The following TNRC6A variants were observed in gnomAD, a reference collection of about 807,000 sequenced individuals.
TNRC6A encodes trinucleotide repeat containing adaptor 6A, also known as trinucleotide repeat-containing gene 6A protein.
A neutral mutation model predicts 221.2 loss-of-function variants in TNRC6A; 44 were observed. The observed-to-expected ratio is 0.20, with a 90% CI of 0.16 to 0.26. The LOEUF (loss-of-function observed/expected upper bound fraction) is 0.26. Ranked by LOEUF, TNRC6A falls within the 10% of genes least tolerant of loss-of-function variation. TNRC6A has a pLI of 1.00. For synonymous variants in TNRC6A, 847 were observed against 838.5 expected (o/e 1.01, Z -0.18); for missense variants, 2,199 against 2,404.4 (o/e 0.91, Z 1.79).
intron 3 of TNRC6A, among the ~76,000 whole-genome samples, chr16:24,754,019 A>T (rs1251179442): frequency 6.6e-6 from 1 of 152,078 alleles, no homozygotes; most frequent in Non-Finnish European, 1.5e-5. Context: ...ACTTTGCTTT[A>T]TTTTTTGTCA....
intron 1 of TNRC6A, among the ~76,000 whole-genome samples, chr16:24,637,025 T>G (rs1448900601): frequency 6.6e-6 from 1 of 151,996 alleles, no homozygotes; most frequent in African/African-American, 2.4e-5. Flanking sequence ...CAGGGGTTTT[T>G]TTTGTTTGTT....
rs181944807 is a variant in TNRC6A, at chr16:24,815,991, C to T, written c.4831+686C>T. 4.3e-3 allele frequency: 658 copies of T among 153,110 alleles called. 5 individuals carry two copies. Among genetic ancestry groups the T allele is most frequent in the Non-Finnish European group, 7.0e-3 (480 of 68,644 alleles). 9.5% of individuals were successfully genotyped at this position (153,110 alleles called of 1,614,324 possible). ...GAGTTGCAGTAGCTTTGTGATTTGTCTTAAAGCTTAAAGCACTTTTAAATG... is the reference window on the plus strand; with the variant it reads ...GAGTTGCAGTAGCTTTGTGATTTGTTTTAAAGCTTAAAGCACTTTTAAATG... On this transcript the variant is annotated intron_variant, in intron 19 of 24. Transcript: ENST00000395799.
rs756512116 is a variant in TNRC6A at position 24,805,668 on chromosome 16, C to G, written c.4186C>G (p.Gln1396Glu). 1 of 1,614,218 alleles carries G rather than the reference C, an allele frequency of 6.2e-7. No individual in the cohort carries two copies. The highest frequency in any genetic ancestry group is 8.5e-7 in the Non-Finnish European group (1 of 1,180,032). The change falls in exon 15 of 25, where the codon CAA becomes GAA. Residue 1396 changes from glutamine to glutamate, a missense_variant. Coordinates refer to ENST00000395799, the MANE Select transcript of TNRC6A (RefSeq NM_014494.4). ...TGGCCTGAATCCACTCTTTGGCCCT[C>G]AACAGGTAGCCATGCTGAACCAGCT... ...NGGLNPLFGP[Q>E]QVAMLNQLSQ...
rs1026881444 is a variant in TNRC6A at position 24,684,587 on chromosome 16, C to T, written n.402+43578C>T. 2.6e-5 allele frequency among the ~76,000 whole-genome samples: 4 copies of T among 152,264 alleles called. No individual in the cohort carries two copies. The East Asian group carries it at 7.7e-4, about 29-fold the overall frequency. On this transcript the variant is annotated intron_variant and non_coding_transcript_variant, in intron 2 of 2. Transcript: ENST00000566108. ...TTGGGAAACCAAGATGGGAGGATCACTTGAGGCCAGGAGTGCAAGACCAAC... is the reference window on the plus strand; with the variant it reads ...TTGGGAAACCAAGATGGGAGGATCATTTGAGGCCAGGAGTGCAAGACCAAC...
chr16:24,805,098 TC>T lies in TNRC6A; in HGVS notation c.4070del (p.Ser1357TyrfsTer24). 6.2e-7 allele frequency: 1 copy of T among 1,614,194 alleles called. No homozygotes were observed. The highest frequency in any genetic ancestry group is 8.5e-7 in the Non-Finnish European group (1 of 1,180,034). ...MQQPPAQPLS[S>X]SQPNLRAQVP... ...GCAGCCTCCAGCACAACCTCTTAGT[TC>T]ATCTCAGCCTAATCTCCGTGCTCAA... On this transcript the variant is annotated frameshift_variant, in exon 14 of 25. Transcript: ENST00000395799. LOFTEE classifies it high-confidence loss of function.
At chr16:24,705,715 T>C (rs2142256965) in intron 2 of TNRC6A, among the ~76,000 whole-genome samples, 1 of 152,324 alleles carries the variant, frequency 6.6e-6, no homozygotes, top group African/African-American at 2.4e-5. Context: ...CAAAATTCAA[T>C]ATCCAGTATT....
At chr16:24,617,244 G>A (rs1459168921) in intron 1 of TNRC6A, among the ~76,000 whole-genome samples, 3 of 151,818 alleles carry the variant, frequency 2.0e-5, no homozygotes, top group Admixed American at 2.0e-4. Context: ...TCCCACATCA[G>A]CCTCCTGAGT....
At chr16:24,814,310 A>G (rs2058607385) in intron 18 of TNRC6A, among the ~76,000 whole-genome samples, 2 of 149,582 alleles carry the variant, frequency 1.3e-5, no homozygotes, top group South Asian at 2.1e-4. Context: ...GCGAGGTTCT[A>G]TTTGCATCCA....
intron 1 of TNRC6A, among the ~76,000 whole-genome samples, chr16:24,623,581 G>A (rs1596547941): frequency 1.3e-5 from 2 of 151,904 alleles, no homozygotes; most frequent in East Asian, 3.9e-4. Flanking sequence ...GAAAACACAG[G>A]GTCCCTTATT....
intron 9 of TNRC6A, 57 bp from the exon 10 acceptor site, chr16:24,797,433 A>AT: frequency 7.6e-7 from 1 of 1,319,582 alleles, no homozygotes; most frequent in Non-Finnish European, 1.1e-6. Flanking sequence ...ATCCGTCACT[A>AT]TACCCAGATA....
chr16:24,812,482 C>T (rs147460691), intron 18 of TNRC6A, among the ~76,000 whole-genome samples: 1 of 152,316 alleles, frequency 6.6e-6, no homozygotes, highest in African/African-American at 2.4e-5. Flanking sequence ...TCATGCACCA[C>T]TTAATGGCAA....
intron 2 of TNRC6A, among the ~76,000 whole-genome samples, chr16:24,715,380 T>C (rs1247520123): frequency 2.0e-5 from 3 of 152,014 alleles, no homozygotes; most frequent in African/African-American, 7.2e-5. Flanking sequence ...TGGCCAGAAA[T>C]TCCTTTTAAG....
At chr16:24,691,892 C>T (rs1355893470) in intron 2 of TNRC6A, among the ~76,000 whole-genome samples, 1 of 152,060 alleles carries the variant, frequency 6.6e-6, no homozygotes. Context: ...GGACTGACAG[C>T]GGCAATTAAA....
intron 2 of TNRC6A, among the ~76,000 whole-genome samples, chr16:24,660,554 C>T (rs551498586): frequency 3.3e-5 from 5 of 151,910 alleles, no homozygotes; most frequent in African/African-American, 1.2e-4. Flanking sequence ...TATAAACATG[C>T]GTGTGCAAGT....
At chr16:24,695,639 C>G (rs2055843547) in intron 2 of TNRC6A, among the ~76,000 whole-genome samples, 1 of 152,072 alleles carries the variant, frequency 6.6e-6, no homozygotes. Context: ...ACCTCGTGAT[C>G]TGCCTGCCTC....
At chr16:24,709,554 G>A (rs2056163766) in intron 2 of TNRC6A, among the ~76,000 whole-genome samples, 1 of 152,020 alleles carries the variant, frequency 6.6e-6, no homozygotes, top group South Asian at 2.1e-4. Context: ...GCCAGGCCTG[G>A]TGGCTCACAC....
intron 5 of TNRC6A, among the ~76,000 whole-genome samples, chr16:24,780,760 T>G (rs1596691609): frequency 7.3e-6 from 1 of 137,126 alleles, no homozygotes; most frequent in African/African-American, 2.8e-5. Context: ...TGAAGTAGTT[T>G]TTTTTTTTTA....
At chr16:24,678,528 C>G (rs1321398693) in intron 2 of TNRC6A, among the ~76,000 whole-genome samples, 1 of 152,096 alleles carries the variant, frequency 6.6e-6, no homozygotes, top group Non-Finnish European at 1.5e-5. Context: ...TGCTGATGAC[C>G]AGTGCATGAG....
At chr16:24,821,887 G>T in intron 22 of TNRC6A, 190 bp from the exon 23 acceptor site, 1 of 593,150 alleles carries the variant, frequency 1.7e-6, no homozygotes. Context: ...CAGAGGCAGA[G>T]CCCCCTGCCA....
Sources: gnomAD v4.1 joint callset for allele counts (sites outside exome capture counted in the v4.1 genomes callset) on GRCh38, gnomAD v4.1.1 for gene constraint, MANE v1.5 for transcripts, NCBI Gene and HGNC (gene_info 2026-07-23, HGNC 2026-07-21) for gene names.